Variants in SNX25 observed in about 807,000 individuals in gnomAD.
SNX25 encodes the protein sorting nexin 25.
SNX25 carries 62 observed loss-of-function variants against 113.7 expected under a neutral mutation model. The ratio of observed to expected loss-of-function variants is 0.55; its 90% CI spans 0.44 to 0.67. The LOEUF (loss-of-function observed/expected upper bound fraction) is 0.67, where lower values mean the gene tolerates loss of function less well. SNX25 is among the 30% of genes least tolerant of loss of function. The pLI is 0.00. For missense variants in SNX25, 1,014 were observed against 1,161.0 expected, an observed-to-expected ratio of 0.87 and a Z score of 1.84; for synonymous variants, 421 against 436.2, an observed-to-expected ratio of 0.97 and a Z score of 0.43.
intron 5 of SNX25, among the ~76,000 whole-genome samples, chr4:185,268,720 G>C (rs944136399): frequency 6.6e-6 from 1 of 152,060 alleles, no homozygotes; most frequent in African/African-American, 2.4e-5. Flanking sequence ...TTTCTGATTC[G>C]AATAAAGCAC....
chr4:185,214,690 C>T (rs1487345989), intron 1 of SNX25, among the ~76,000 whole-genome samples: 3 of 152,208 alleles, frequency 2.0e-5, no homozygotes, highest in African/African-American at 7.2e-5. Context: ...AGTAGTTTAA[C>T]AAGTTCATCA....
intron 1 of SNX25, 121 bp from the exon 2 acceptor site, chr4:185,247,173 T>C: frequency 3.1e-6 from 2 of 646,038 alleles, no homozygotes; most frequent in Non-Finnish European, 5.2e-6. Flanking sequence ...GAAAAACTTC[T>C]GTTATTCGTT....
intron 1 of SNX25, among the ~76,000 whole-genome samples, chr4:185,235,618 G>A (rs1742501171): frequency 6.6e-6 from 1 of 152,264 alleles, no homozygotes; most frequent in African/African-American, 2.4e-5. Flanking sequence ...TTGGCCAGTT[G>A]CAGTGGCTCA....
intron 2 of SNX25, among the ~76,000 whole-genome samples, chr4:185,256,769 G>A (rs1364948731): frequency 3.3e-5 from 5 of 151,376 alleles, no homozygotes; most frequent in African/African-American, 7.3e-5. Flanking sequence ...GAATATAGGC[G>A]TCCACCACCA....
intron 16 of SNX25, among the ~76,000 whole-genome samples, chr4:185,360,745 C>T (rs1345742036): frequency 6.6e-6 from 1 of 151,862 alleles, no homozygotes; most frequent in Non-Finnish European, 1.5e-5. Flanking sequence ...CAGTGAAACC[C>T]CAGCTCTACT....
At chr4:185,340,952 A>G (rs2095256948) in intron 11 of SNX25, among the ~76,000 whole-genome samples, 1 of 152,182 alleles carries the variant, frequency 6.6e-6, no homozygotes, top group African/African-American at 2.4e-5. Context: ...CTGACTCATC[A>G]GAGGTGTGGT....
intron 3 of SNX25, among the ~76,000 whole-genome samples, chr4:185,263,868 G>A (rs150319196): frequency 6.6e-6 from 1 of 152,154 alleles, no homozygotes; most frequent in Non-Finnish European, 1.5e-5. Flanking sequence ...TAATGTTCCT[G>A]GGATGGAGTC....
In SNX25 at chr4:185,263,901, A is replaced by G. The variant is rs1489302772; in HGVS notation, c.732-537A>G. ...GTCAGTACAGGGAAGTGCACAACCA[A>G]GGTTGTCAAGACTGGTTGAAAAATA... On this transcript the variant is annotated intron_variant, in intron 3 of 18. Coordinates refer to ENST00000652585, the MANE Select transcript of SNX25 (RefSeq NM_001378034.2). Among the ~76,000 whole-genome samples the G allele has an allele frequency of 2.6e-5, 4 of 152,206 alleles. No individual in the cohort carries two copies. In the South Asian group the frequency reaches 6.2e-4, roughly 24 times the overall value.
At chr4:185,341,913 A>T (rs938628425) in intron 11 of SNX25, 63 bp from the exon 12 acceptor site, 1 of 1,522,332 alleles carries the variant, frequency 6.6e-7, no homozygotes, top group Non-Finnish European at 8.8e-7. Context: ...ACACTTACAG[A>T]TCTTCCTTCT....
chr4:185,239,457 T>TG (rs61402556), intron 1 of SNX25, among the ~76,000 whole-genome samples: 11,898 of 152,034 alleles, frequency 0.078, 493 homozygotes, highest in African/African-American at 0.098. Context: ...CACTCCAGCC[T>TG]GGCAACAGAG....
chr4:185,336,748 T>C (rs2095232447), intron 10 of SNX25, among the ~76,000 whole-genome samples: 2 of 152,228 alleles, frequency 1.3e-5, no homozygotes, highest in Admixed American at 6.5e-5. Flanking sequence ...CTTTTTTCCA[T>C]AGTGGTTGTA....
chr4:185,259,891 C>T (rs1054353393), intron 3 of SNX25, among the ~76,000 whole-genome samples: 2 of 151,934 alleles, frequency 1.3e-5, no homozygotes, highest in African/African-American at 2.4e-5. Flanking sequence ...CTGCTGAATG[C>T]GGCTGCACAG....
intron 12 of SNX25, 58 bp from the exon 13 acceptor site, chr4:185,346,478 CT>C: frequency 8.7e-6 from 10 of 1,153,148 alleles, no homozygotes; most frequent in South Asian, 1.4e-5. Flanking sequence ...TATTCTAAAT[CT>C]TTTTTAAGAT....
chr4:185,296,933 T>G (rs1353260128), intron 6 of SNX25, among the ~76,000 whole-genome samples: 1 of 152,204 alleles, frequency 6.6e-6, no homozygotes, highest in Non-Finnish European at 1.5e-5. Flanking sequence ...CTAATTTCAA[T>G]GGGCTTTTTT....
chr4:185,301,322 C>T (rs561308739), intron 6 of SNX25, among the ~76,000 whole-genome samples: 49 of 152,272 alleles, frequency 3.2e-4, no homozygotes, highest in African/African-American at 1.1e-3. Context: ...ATGGAAGCTC[C>T]GCACCCCTTC....
chr4:185,315,656 C>G (rs962789479), intron 7 of SNX25, among the ~76,000 whole-genome samples: 3 of 151,928 alleles, frequency 2.0e-5, no homozygotes, highest in Non-Finnish European at 4.4e-5. Context: ...CATACTCTTT[C>G]AAAAAACGGA....
chr4:185,212,492 T>TGTGTTTG (rs1491296342), intron 1 of SNX25, among the ~76,000 whole-genome samples: 1 of 27,870 alleles, frequency 3.6e-5, no homozygotes, highest in African/African-American at 1.2e-4. Context: ...TGTGTGTGTG[T>TGTGTTTG]TTTTTTTTTT....
intron 10 of SNX25, among the ~76,000 whole-genome samples, chr4:185,338,847 A>C (rs1002458963): frequency 4.6e-5 from 7 of 152,160 alleles, no homozygotes; most frequent in African/African-American, 1.7e-4. Flanking sequence ...TTAAGCCAGT[A>C]CCACACTGTT....
At chr4:185,275,640 A>G (rs1391228896) in intron 5 of SNX25, among the ~76,000 whole-genome samples, 1 of 152,188 alleles carries the variant, frequency 6.6e-6, no homozygotes, top group Non-Finnish European at 1.5e-5. Flanking sequence ...AATTATTTGA[A>G]TGTTCAGTGT....
Sources: allele counts gnomAD v4.1 joint callset (sites outside exome capture counted in the v4.1 genomes callset), GRCh38; gene constraint gnomAD v4.1.1; transcripts MANE v1.5; gene names NCBI Gene and HGNC (gene_info 2026-07-23, HGNC 2026-07-21).